Variants in CDH17 observed in about 807,000 individuals in gnomAD.
CDH17 encodes the protein cadherin 17.
In CDH17, 67 loss-of-function variants were observed where a neutral mutation model predicts 86.3. The observed-to-expected ratio is 0.78, with a 90% CI of 0.64 to 0.95. The LOEUF (loss-of-function observed/expected upper bound fraction) is 0.95, where lower values mean the gene tolerates loss of function less well. CDH17 is among the 40% of genes least tolerant of loss of function. CDH17 has a pLI of 0.00. For missense variants in CDH17, 993 were observed against 1,017.6 expected (o/e 0.98, Z 0.33); for synonymous variants, 367 against 366.4 (o/e 1.00, Z -0.02).
At chr8:94,132,037 A>G (rs902311498) in intron 15 of CDH17, among the ~76,000 whole-genome samples, 5 of 152,158 alleles carry the variant, frequency 3.3e-5, no homozygotes, top group East Asian at 1.9e-4. Flanking sequence ...ATAATATTCC[A>G]TGGTGTATAT....
chr8:94,162,848 G>A (rs536239009), intron 10 of CDH17, among the ~76,000 whole-genome samples: 3 of 152,320 alleles, frequency 2.0e-5, no homozygotes, highest in Admixed American at 1.3e-4. Context: ...GAGTGCAGGT[G>A]GGGACAGGAT....
Position 94,174,123 on chromosome 8 carries a change from C to T in CDH17, c.562G>A (p.Ala188Thr). The change falls in exon 6 of 18, where the codon GCC (alanine) becomes ACC (threonine). Residue 188 changes from alanine to threonine, a missense_variant. By Grantham distance (58) the Ala-to-Thr change is moderately conservative. Coordinates refer to ENST00000027335, the MANE Select transcript of CDH17 (RefSeq NM_004063.4). ...MYFQINNKTGAISLTREGSQE... is the reference protein window; with the variant it reads ...MYFQINNKTGTISLTREGSQE... ...TTACCCTCTCGGGTAAGAGAGATGG[C>T]TCCCGTTTTGTTGTTGATCTGAAAG... The T allele has an allele frequency of 6.2e-7, 1 of 1,613,702 alleles. No individual in the cohort carries two copies. The highest frequency in any genetic ancestry group is 8.5e-7 in the Non-Finnish European group (1 of 1,179,780).
rs1230930695 is a variant in CDH17, at chr8:94,214,148, A to AG, written c.-21+3049_-21+3050insC. On this transcript the variant is annotated intron_variant, in intron 1 of 17. Transcript: ENST00000450165. ...CTGTACTGTTTTAATTCTCCAAAAC[A>AG]TACGCCTCCTAGAACACTACCCCTT... Among the ~76,000 whole-genome samples, 173 of 152,330 alleles carry AG rather than the reference A, an allele frequency of 1.1e-3. 1 individual carries two copies. The highest frequency in any genetic ancestry group is 4.0e-3 in the African/African-American group (166 of 41,582).
chr8:94,152,006 A>C lies in CDH17; in HGVS notation c.1658T>G (p.Phe553Cys). 1 of 1,614,224 alleles carries C rather than the reference A, an allele frequency of 6.2e-7. No homozygotes were observed. Among genetic ancestry groups the C allele is most frequent in the Non-Finnish European group, 8.5e-7 (1 of 1,180,032 alleles). Residue 553 changes from phenylalanine (F) to cysteine (C), a missense_variant, in exon 13 of 18, where the codon TTC (phenylalanine) becomes TGC (cysteine). Physicochemically the swap from Phe to Cys is radical, Grantham distance 205. Coordinates refer to ENST00000027335, the MANE Select transcript of CDH17 (RefSeq NM_004063.4). ...ATTCACATCTGTCACAATAAGCGTG[A>C]ACTTGGCAAAAGAACTTGCATTGTA... is the stretch of plus-strand genomic sequence containing the variant. ...VKYNASSFAKFTLIVTDVNEA... is the reference protein window; with the variant it reads ...VKYNASSFAKCTLIVTDVNEA...
At position 94,130,962 on chromosome 8, in the gene CDH17, G is replaced by C. The variant is rs1214390619; in HGVS notation, c.2198C>G (p.Thr733Arg). Residue 733 changes from threonine to arginine, a missense_variant, in exon 16 of 18, where the codon ACA becomes AGA. By Grantham distance (71) the Thr-to-Arg change is moderately conservative. Coordinates refer to ENST00000027335, the MANE Select transcript of CDH17 (RefSeq NM_004063.4). Reference protein sequence around the residue: ...GTHARLSTRHTEFEEREYVVL... With the variant: ...GTHARLSTRHREFEEREYVVL... ...GACATACTCCCTCTCCTCAAACTCT[G>C]TGTGCCTGGTAGACAGTCGGGCATG... 6.2e-7 allele frequency: 1 copy of C among 1,604,344 alleles called. No individual in the cohort carries two copies. The highest frequency in any genetic ancestry group is 1.1e-5 in the South Asian group (1 of 90,896).
chr8:94,211,767 G>A (rs1358514660), upstream of CDH17, among the ~76,000 whole-genome samples: 3 of 152,194 alleles, frequency 2.0e-5, no homozygotes, highest in Admixed American at 1.3e-4. Context: ...CCTAACAGAA[G>A]TGTAAAATAA....
In CDH17 at chr8:94,147,027, T is replaced by C. The variant is rs192856546; in HGVS notation, c.1928-860A>G. 3.3e-4 allele frequency among the ~76,000 whole-genome samples: 50 copies of C among 152,296 alleles called. 1 individual carries two copies. The East Asian group carries it at 9.1e-3, about 28-fold the overall frequency. ...AAGGCCACTGTGTTCTCGAAGTTAT[T>C]GTATCTATTTATATCATGTCAGTGC... On this transcript the variant is annotated intron_variant, in intron 14 of 17. Transcript: ENST00000027335.
chr8:94,176,508 T>C (rs1411916401), intron 5 of CDH17, 33 bp downstream of exon 5: 3 of 1,611,044 alleles, frequency 1.9e-6, no homozygotes, highest in Middle Eastern at 1.7e-4. Flanking sequence ...CCCTTCCATC[T>C]TTCCATAAAT....
At chr8:94,206,992 C>T (rs1390367337) in intron 1 of CDH17, among the ~76,000 whole-genome samples, 1 of 152,048 alleles carries the variant, frequency 6.6e-6, no homozygotes, top group Non-Finnish European at 1.5e-5. Context: ...GGAAATGTAA[C>T]CTTCACCTTG....
intron 15 of CDH17, among the ~76,000 whole-genome samples, chr8:94,142,118 G>A (rs1234139304): frequency 6.6e-6 from 1 of 152,218 alleles, no homozygotes; most frequent in Non-Finnish European, 1.5e-5. Flanking sequence ...TAAACAAATG[G>A]TGTTAGAACA....
At chr8:94,142,177 C>G (rs75662439) in intron 15 of CDH17, among the ~76,000 whole-genome samples, 5,798 of 152,240 alleles carry the variant, frequency 0.038, 356 homozygotes, top group East Asian at 0.24. Flanking sequence ...TACCACACCC[C>G]CTATGCAAGC....
chr8:94,148,944 G>A lies in CDH17; in HGVS notation c.1797-70C>T, dbSNP rs566721869. ...ATGAAAATGTGAAGCTAGTTTGTGCGTCAACTAAATATGTTTGTGCATCCT... is the reference window on the plus strand; with the variant it reads ...ATGAAAATGTGAAGCTAGTTTGTGCATCAACTAAATATGTTTGTGCATCCT... On this transcript the variant is annotated intron_variant, in intron 13 of 17. Coordinates refer to ENST00000027335, the MANE Select transcript of CDH17 (RefSeq NM_004063.4). The A allele has an allele frequency of 9.5e-5, 130 of 1,367,846 alleles. 2 individuals are homozygous for A. Among genetic ancestry groups the A allele is most frequent in the South Asian group, 2.2e-4 (16 of 73,148 alleles). The allele number at this position is 1,367,846 out of a possible 1,614,324, so 84.7% of individuals were successfully genotyped here.
At chr8:94,194,435 G>A (rs767607389) in intron 2 of CDH17, among the ~76,000 whole-genome samples, 200 bp downstream of exon 2, 5 of 152,162 alleles carry the variant, frequency 3.3e-5, no homozygotes, top group South Asian at 2.1e-4. Flanking sequence ...TTCCCTAGTC[G>A]AGGGCAGACA....
At chr8:94,130,533 G>T in intron 17 of CDH17, 93 bp downstream of exon 17, 2 of 779,678 alleles carry the variant, frequency 2.6e-6, no homozygotes, top group Non-Finnish European at 2.1e-6. Context: ...CATTTGAGCA[G>T]CCACCAGACC....
intron 3 of CDH17, among the ~76,000 whole-genome samples, chr8:94,185,778 A>G (rs1047474701): frequency 3.3e-5 from 5 of 152,212 alleles, no homozygotes; most frequent in Non-Finnish European, 7.3e-5. Context: ...TAGGAAAATT[A>G]TAAAATCTAG....
At chr8:94,144,018 A>G (rs2446807) in intron 15 of CDH17, among the ~76,000 whole-genome samples, 36 of 152,324 alleles carry the variant, frequency 2.4e-4, no homozygotes, top group East Asian at 1.9e-3. Context: ...TTTTTGGCCA[A>G]TCTTGGCTAT....
intron 1 of CDH17, among the ~76,000 whole-genome samples, chr8:94,199,065 ATATATATATATATATATATTT>A (rs1463649739): frequency 3.4e-3 from 67 of 19,490 alleles, no homozygotes; most frequent in Middle Eastern, 0.05. Context: ...ATATATATAT[ATATATATATATATATATATTT>A]TTTTTTTTTT....
At chr8:94,133,341 G>A (rs892639813) in intron 15 of CDH17, among the ~76,000 whole-genome samples, 36 of 152,142 alleles carry the variant, frequency 2.4e-4, no homozygotes, top group African/African-American at 8.4e-4. Context: ...TTACTTCGTT[G>A]AGCAGTGGTT....
chr8:94,170,258 C>T (rs1813241113), intron 9 of CDH17, 139 bp downstream of exon 9: 1 of 839,272 alleles, frequency 1.2e-6, no homozygotes, highest in Non-Finnish European at 1.9e-6. Context: ...CCTTACGTGA[C>T]TCCCAAGGTA....
Sources: allele counts gnomAD v4.1 joint callset (sites outside exome capture counted in the v4.1 genomes callset), GRCh38; gene constraint gnomAD v4.1.1; transcripts MANE v1.5; gene names NCBI Gene and HGNC (gene_info 2026-07-23, HGNC 2026-07-21).